The following PHF10 variants were observed in gnomAD, a reference collection of about 807,000 sequenced individuals.
The protein encoded by PHF10 is BRG1-associated factor 45a.
Under a neutral mutation model 68.5 loss-of-function variants are expected in PHF10, and 51 were observed. That is an observed-to-expected ratio of 0.74 (90% confidence interval 0.59 to 0.94). The LOEUF (loss-of-function observed/expected upper bound fraction) is 0.94. PHF10 is among the 40% of genes least tolerant of loss of function. The probability of loss-of-function intolerance (pLI) is 0.00; values close to 1 mark genes in which losing one functional copy is unlikely to be tolerated. For synonymous variants in PHF10, 204 were observed against 203.5 expected (o/e 1.00, Z -0.02); for missense variants, 460 against 602.6 (o/e 0.76, Z 2.48).
chr6:169,722,897 G>C (rs1789213951), intron 1 of PHF10, among the ~76,000 whole-genome samples: 1 of 152,254 alleles, frequency 6.6e-6, no homozygotes, highest in Admixed American at 6.5e-5. Flanking sequence ...TGCCGGGCCA[G>C]ACGTCAAATG....
rs1343460582 is a variant in PHF10, at chr6:169,709,370, T to G, written c.1113+866A>C. ...TCATAAGTGCAATAAAAGCATGTTC[T>G]AATACATTTCAGACCAAAAGAATCA... On this transcript the variant is annotated intron_variant, in intron 9 of 11. Transcript: ENST00000339209. The G allele has an allele frequency of 3.3e-5, 5 of 152,182 alleles. No individual in the cohort carries two copies. In the South Asian group the frequency reaches 6.2e-4, roughly 19 times the overall value. The allele number at this position is 152,182 out of a possible 1,614,324, so 9.4% of individuals were successfully genotyped here.
At chr6:169,709,218 G>C (rs1040664440) in intron 9 of PHF10, 1 of 152,100 alleles carries the variant, frequency 6.6e-6, no homozygotes, top group Non-Finnish European at 1.5e-5. Flanking sequence ...AGGGAAAGGT[G>C]ACTTACTTCA....
intron 2 of PHF10, among the ~76,000 whole-genome samples, chr6:169,720,250 T>G (rs1418898272): frequency 1.3e-5 from 2 of 152,142 alleles, no homozygotes; most frequent in African/African-American, 4.8e-5. Flanking sequence ...GGAAAACAGT[T>G]TGGCAGCTTC....
intron 9 of PHF10, among the ~76,000 whole-genome samples, chr6:169,705,943 G>A (rs143185653): frequency 1.4e-3 from 219 of 152,174 alleles, no homozygotes; most frequent in Admixed American, 3.6e-3. Flanking sequence ...GCATGATCTC[G>A]TAAGATTAAA....
chr6:169,712,013 A>G (rs189085275), intron 8 of PHF10, among the ~76,000 whole-genome samples: 6 of 152,366 alleles, frequency 3.9e-5, no homozygotes, highest in Admixed American at 3.9e-4. Context: ...TATAGGAAGC[A>G]TAAGATTAAG....
At chr6:169,715,602 C>A (rs1414442323) in intron 6 of PHF10, 106 bp downstream of exon 6, 7 of 959,720 alleles carry the variant, frequency 7.3e-6, no homozygotes, top group Non-Finnish European at 1.1e-5. Flanking sequence ...AAAAAAAACA[C>A]ACACACATAG....
chr6:169,714,914 G>A (rs1304803860), intron 6 of PHF10, 72 bp from the exon 7 acceptor site: 31 of 833,986 alleles, frequency 3.7e-5, no homozygotes, highest in Non-Finnish European at 5.5e-5. Flanking sequence ...GAGTCCCCAC[G>A]TGCTCACCAC....
rs977590754 is a variant in PHF10, at chr6:169,706,222, T to TA, written c.1114-499dup. Among the ~76,000 whole-genome samples, 12 of 151,784 alleles carry TA rather than the reference T, an allele frequency of 7.9e-5. No homozygotes were observed. The East Asian group carries it at 1.3e-3, about 17-fold the overall frequency. On this transcript the variant is annotated intron_variant, in intron 9 of 11. Transcript: ENST00000339209. ...TTATCCTCATTGGTATAGTGGTATT[T>TA]AAAAAAAAATCAGTTTAAACATTTT...
chr6:169,722,002 T>A (rs1326553684), intron 1 of PHF10, among the ~76,000 whole-genome samples: 1 of 152,330 alleles, frequency 6.6e-6, no homozygotes, highest in South Asian at 2.1e-4. Context: ...CTGGGCACTG[T>A]CCCTCACTAG....
chr6:169,717,511 T>C (rs1789078253), intron 4 of PHF10, among the ~76,000 whole-genome samples: 1 of 152,208 alleles, frequency 6.6e-6, no homozygotes, highest in Admixed American at 6.5e-5. Context: ...GTCATGTGAC[T>C]TGTTACATAT....
At chr6:169,711,366 G>GT (rs1788923846) in intron 8 of PHF10, among the ~76,000 whole-genome samples, 1 of 152,080 alleles carries the variant, frequency 6.6e-6, no homozygotes, top group South Asian at 2.1e-4. Flanking sequence ...AAATTTATTT[G>GT]TAACTTCCAG....
intron 1 of PHF10, among the ~76,000 whole-genome samples, chr6:169,721,867 C>T (rs1789187276): frequency 6.6e-6 from 1 of 152,072 alleles, no homozygotes. Flanking sequence ...AACGCTAATC[C>T]AATTTTGCTA....
At chr6:169,705,450 T>C (rs977326781) in intron 10 of PHF10, 129 bp from the exon 11 acceptor site, 7 of 732,250 alleles carry the variant, frequency 9.6e-6, no homozygotes, top group Admixed American at 7.8e-5. Context: ...GAGAAATGAA[T>C]ATACAATGTA....
chr6:169,714,847 GT>G lies in PHF10; in HGVS notation c.694-6del. ...CCCTTGAGGTACCTGGATAACCTACGTTAACATAAAGAGAAACACAAAACTG... is the reference window on the plus strand; with the variant it reads ...CCCTTGAGGTACCTGGATAACCTACGTAACATAAAGAGAAACACAAAACTG... On this transcript the variant is annotated splice_region_variant and splice_polypyrimidine_tract_variant and intron_variant, in intron 6 of 11. Transcript: ENST00000339209. 1 of 1,399,260 alleles carries G rather than the reference GT, an allele frequency of 7.1e-7. No homozygotes were observed. Among genetic ancestry groups the G allele is most frequent in the Non-Finnish European group, 1.0e-6 (1 of 983,994 alleles). 86.7% of individuals were successfully genotyped at this position (1,399,260 alleles called of 1,614,324 possible).
intron 2 of PHF10, 38 bp downstream of exon 2, chr6:169,720,967 A>G: frequency 1.8e-6 from 2 of 1,113,882 alleles, no homozygotes; most frequent in Non-Finnish European, 2.7e-6. Context: ...AAAGAGGAAC[A>G]TCACAAAAAA....
chr6:169,718,662 T>A, intron 3 of PHF10, 126 bp downstream of exon 3: 1 of 615,086 alleles, frequency 1.6e-6, no homozygotes, highest in Non-Finnish European at 2.7e-6. Context: ...AATGAGACCC[T>A]TAGTCTTAAA....
rs761369661 is a variant in PHF10 at position 169,715,849 on chromosome 6, T to C, written c.552A>G (p.Gln184=). ...CTTCAACTTTCTGAGTATTCTGTTG[T>C]TGCATTTGCTGGAAAAAAAAAATAC... ...TDHYKEYSQM[Q]QQNTQKVEAS... Residue 184 remains glutamine, a synonymous_variant, in exon 6 of 12, where the codon CAA becomes CAG. Transcript: ENST00000339209. 2.9e-5 allele frequency: 47 copies of C among 1,607,632 alleles called. No homozygotes were observed. Among genetic ancestry groups the C allele is most frequent in the Non-Finnish European group, 1.0e-5 (12 of 1,177,330 alleles).
intron 6 of PHF10, among the ~76,000 whole-genome samples, chr6:169,715,444 G>A (rs1053911913): frequency 7.9e-5 from 12 of 152,166 alleles, no homozygotes; most frequent in Admixed American, 5.9e-4. Context: ...GCAGGCGCCT[G>A]TAATCCCAGC....
rs868528170 is a variant in PHF10 at position 169,724,378 on chromosome 6, G to C, written c.-447C>G. Reference sequence around the variant, plus strand: ...CGCCGCTCGCTCGCCTCAGCCCCGCGGCCGCCTCAGCCCCGCCGCTCGCCT... The same window carrying C: ...CGCCGCTCGCTCGCCTCAGCCCCGCCGCCGCCTCAGCCCCGCCGCTCGCCT... On this transcript the variant is annotated 5_prime_UTR_variant, in exon 1 of 12. Coordinates refer to ENST00000339209, the MANE Select transcript of PHF10 (RefSeq NM_018288.4). 1.8e-3 allele frequency among the ~76,000 whole-genome samples: 101 copies of C among 55,008 alleles called. No homozygotes were observed. In the East Asian group the frequency reaches 0.023, roughly 13 times the overall value. The allele number at this position is 55,008 out of a possible 152,430, so 36.1% of individuals were successfully genotyped here. A position where few individuals can be genotyped will look rare whatever the true frequency, so the allele number is the denominator to read the frequency against.
Sources: gnomAD v4.1 joint callset for allele counts (sites outside exome capture counted in the v4.1 genomes callset) on GRCh38, gnomAD v4.1.1 for gene constraint, MANE v1.5 for transcripts, NCBI Gene and HGNC (gene_info 2026-07-23, HGNC 2026-07-21) for gene names.